The following TSNARE1 variants were observed in gnomAD, a reference collection of about 807,000 sequenced individuals.
TSNARE1 encodes t-SNARE domain containing 1, also known as t-SNARE domain-containing protein 1.
TSNARE1 carries 49 observed loss-of-function variants against 62.0 expected under a neutral mutation model. That is an observed-to-expected ratio of 0.79 (90% CI 0.63 to 1.00). The LOEUF (loss-of-function observed/expected upper bound fraction) is 1.00, where lower values mean the gene tolerates loss of function less well. Ranked by LOEUF, TSNARE1 falls within the 50% of genes least tolerant of loss-of-function variation. The probability of loss-of-function intolerance (pLI) is 0.00; values close to 1 mark genes in which losing one functional copy is unlikely to be tolerated. For missense variants in TSNARE1, 755 were observed against 700.1 expected (o/e 1.08, Z -0.88); for synonymous variants, 328 against 294.4 (o/e 1.11, Z -1.17).
At chr8:142,227,820 T>C (rs1009145176) in intron 13 of TSNARE1, among the ~76,000 whole-genome samples, 1 of 152,266 alleles carries the variant, frequency 6.6e-6, no homozygotes, top group African/African-American at 2.4e-5. Context: ...GGGCTCTGCC[T>C]CCGCATTCCT....
intron 1 of TSNARE1, among the ~76,000 whole-genome samples, chr8:142,356,142 G>A (rs35770038): frequency 0.15 from 22,336 of 152,244 alleles, 2,136 homozygotes; most frequent in African/African-American, 0.27. Flanking sequence ...CAGCGGTGCC[G>A]TCCTACAGTC....
At chr8:142,373,940 A>G (rs1836100960) in intron 1 of TSNARE1, among the ~76,000 whole-genome samples, 1 of 152,196 alleles carries the variant, frequency 6.6e-6, no homozygotes, top group Non-Finnish European at 1.5e-5. Flanking sequence ...CTCAGGCTCC[A>G]GGTAATACAC....
At chr8:142,263,400 C>T (rs750607152) in intron 12 of TSNARE1, among the ~76,000 whole-genome samples, 1 of 152,176 alleles carries the variant, frequency 6.6e-6, no homozygotes. Context: ...GCGAGGATGC[C>T]GTATCTCCAA....
chr8:142,292,816 C>T (rs1478608400), intron 10 of TSNARE1, among the ~76,000 whole-genome samples: 3 of 152,106 alleles, frequency 2.0e-5, no homozygotes, highest in African/African-American at 7.2e-5. Context: ...CAAACAGTTC[C>T]CAGCCCTATC....
At position 142,220,377 on chromosome 8, in the gene TSNARE1, T is replaced by C. The variant is rs567239995; in HGVS notation, c.*12-8064A>G. Among the ~76,000 whole-genome samples the C allele has an allele frequency of 2.6e-5, 4 of 152,274 alleles. No homozygotes were observed. In the East Asian group the frequency reaches 7.7e-4, roughly 29 times the overall value. ...CCAGCCCACTTGCCAGATTCTGCCC[T>C]CAGCGGTGGTCCTCAGGGCAAACTC... On this transcript the variant is annotated intron_variant, in intron 13 of 13. Transcript: ENST00000524325.
chr8:142,402,547 G>C (rs1051730343), intron 1 of TSNARE1, among the ~76,000 whole-genome samples: 1 of 152,250 alleles, frequency 6.6e-6, no homozygotes, highest in African/African-American at 2.4e-5. Flanking sequence ...AAAGTCCCTG[G>C]TGGGGATGTC....
At position 142,390,086 on chromosome 8, in the gene TSNARE1, A is replaced by C. The variant is rs115175484; in HGVS notation, c.-40+13018T>G. The stretch of plus-strand genomic sequence containing the variant: ...CTAAACATAGAAAAGGTACGGCAGA[A>C]ATACAGTTTTAAGGATTTTTTTAAA... On this transcript the variant is annotated intron_variant, in intron 1 of 13. Coordinates refer to ENST00000524325, the MANE Select transcript of TSNARE1 (RefSeq NM_145003.5). Among the ~76,000 whole-genome samples the C allele has an allele frequency of 5.8e-4, 89 of 152,384 alleles. 1 individual carries two copies. Among genetic ancestry groups the C allele is most frequent in the African/African-American group, 1.9e-3 (81 of 41,594 alleles).
rs2131704557 is a variant in TSNARE1, at chr8:142,318,595, G to A, written c.933C>T (p.Ala311=). The A allele has an allele frequency of 6.2e-7, 1 of 1,613,812 alleles. No homozygotes were observed. The highest frequency in any genetic ancestry group is 2.2e-5 in the East Asian group (1 of 44,850). ...AQQETNKTIA[A]SASSVKQMAE... ...CCATCTGCTTCACGGAGCTGGCGCT[G>A]GCTGCAATGGTCTTGTTGGTCTCCT... The change falls in exon 7 of 14, where the codon GCC becomes GCT. Residue 311 remains alanine, a synonymous_variant. Transcript: ENST00000524325.
At chr8:142,387,627 A>G (rs1837200022) in intron 1 of TSNARE1, among the ~76,000 whole-genome samples, 1 of 152,160 alleles carries the variant, frequency 6.6e-6, no homozygotes, top group South Asian at 2.1e-4. Flanking sequence ...TCAAGCCTAC[A>G]TGAATAAATT....
chr8:142,383,653 G>C (rs929566506), intron 1 of TSNARE1, among the ~76,000 whole-genome samples: 3 of 152,188 alleles, frequency 2.0e-5, no homozygotes, highest in African/African-American at 7.2e-5. Context: ...ACACGTATTT[G>C]CTAAGTGCCT....
chr8:142,283,667 G>A (rs1440383984), intron 11 of TSNARE1, among the ~76,000 whole-genome samples: 1 of 150,280 alleles, frequency 6.7e-6, no homozygotes. Flanking sequence ...CTGTCAATGA[G>A]CGGAGGTGGG....
chr8:142,257,661 G>C (rs376630039), intron 12 of TSNARE1, among the ~76,000 whole-genome samples: 156 of 152,244 alleles, frequency 1.0e-3, no homozygotes, highest in African/African-American at 3.6e-3. Context: ...TACAACTCCA[G>C]GGGCCTGATA....
At chr8:142,243,469 C>T (rs901837889) in intron 12 of TSNARE1, among the ~76,000 whole-genome samples, 3 of 152,162 alleles carry the variant, frequency 2.0e-5, no homozygotes, top group South Asian at 4.2e-4. Flanking sequence ...ACCTGGAAGA[C>T]ATCATGCTTA....
intron 13 of TSNARE1, among the ~76,000 whole-genome samples, chr8:142,223,089 T>C (rs558353019): frequency 1.0e-3 from 11 of 10,772 alleles, no homozygotes; most frequent in South Asian, 2.6e-3. Context: ...CATTCACTCA[T>C]TCATCCACTC....
At chr8:142,218,290 G>T (rs78394843) in intron 13 of TSNARE1, among the ~76,000 whole-genome samples, 64,537 of 150,336 alleles carry the variant, frequency 0.43, 14,144 homozygotes, top group African/African-American at 0.53. Flanking sequence ...CAGGGCTCAG[G>T]GTGTGGCCAG....
chr8:142,384,102 C>T (rs1014968325), intron 1 of TSNARE1, among the ~76,000 whole-genome samples: 2 of 152,098 alleles, frequency 1.3e-5, no homozygotes, highest in East Asian at 1.9e-4. Flanking sequence ...GCAACAGAAC[C>T]GGGTGAGAAG....
intron 12 of TSNARE1, among the ~76,000 whole-genome samples, chr8:142,269,115 G>C (rs1429003644): frequency 6.6e-6 from 1 of 152,250 alleles, no homozygotes; most frequent in East Asian, 1.9e-4. Context: ...CTTAGTAAGG[G>C]CTCAGCCCAG....
At chr8:142,236,809 C>T (rs556274191) in intron 12 of TSNARE1, among the ~76,000 whole-genome samples, 1 of 152,274 alleles carries the variant, frequency 6.6e-6, no homozygotes, top group South Asian at 2.1e-4. Context: ...TGCCTATGTG[C>T]AGGGGCTGTC....
intron 12 of TSNARE1, among the ~76,000 whole-genome samples, chr8:142,263,738 A>AT (rs1336845618): frequency 7.2e-5 from 11 of 152,166 alleles, no homozygotes; most frequent in Non-Finnish European, 7.4e-5. Flanking sequence ...GAATCTGTCT[A>AT]TTTTTTAGCT....
Sources: allele counts gnomAD v4.1 joint callset (sites outside exome capture counted in the v4.1 genomes callset), GRCh38; gene constraint gnomAD v4.1.1; transcripts MANE v1.5; gene names NCBI Gene and HGNC (gene_info 2026-07-23, HGNC 2026-07-21).